The following TMEM178B variants were observed in gnomAD, a reference collection of about 807,000 sequenced individuals.
TMEM178B encodes the protein transmembrane protein 178B.
A neutral mutation model predicts 31.0 loss-of-function variants in TMEM178B; 5 were observed. The observed-to-expected ratio is 0.16, with a 90% CI of 0.08 to 0.34. TMEM178B has a LOEUF of 0.34. Ranked by LOEUF, TMEM178B falls within the 10% of genes least tolerant of loss-of-function variation. The pLI is 1.00. For synonymous variants in TMEM178B, 164 were observed against 164.0 expected (o/e 1.00, Z 0.00); for missense variants, 275 against 400.3 (o/e 0.69, Z 2.67).
rs906115314 is a variant in TMEM178B, at chr7:141,377,556, G to A, written c.497-60052G>A. The stretch of plus-strand genomic sequence containing the variant: ...CGTGGCAGTGGACACCTGTAATCAC[G>A]GCTACTCAAGAGGCTAAGACAGGAG... On this transcript the variant is annotated intron_variant, in intron 2 of 3. Transcript: ENST00000565468. 3.0e-4 allele frequency among the ~76,000 whole-genome samples: 46 copies of A among 151,884 alleles called. 1 individual carries two copies. The highest frequency in any genetic ancestry group is 2.1e-4 in the South Asian group (1 of 4,816).
intron 2 of TMEM178B, among the ~76,000 whole-genome samples, chr7:141,410,747 A>C (rs765533175): frequency 6.6e-6 from 1 of 152,148 alleles, no homozygotes; most frequent in African/African-American, 2.4e-5. Context: ...GAACTTTGAA[A>C]GGTTGAGAGG....
chr7:141,252,636 C>T (rs1049936375), intron 2 of TMEM178B, among the ~76,000 whole-genome samples: 2 of 152,170 alleles, frequency 1.3e-5, no homozygotes, highest in African/African-American at 4.8e-5. Flanking sequence ...CCTTGTGATA[C>T]CTGTAGTAGC....
At chr7:141,110,467 A>C (rs1795215474) in intron 1 of TMEM178B, among the ~76,000 whole-genome samples, 1 of 152,218 alleles carries the variant, frequency 6.6e-6, no homozygotes. Flanking sequence ...AGAACCAATA[A>C]ATATACACTC....
intron 2 of TMEM178B, among the ~76,000 whole-genome samples, chr7:141,337,029 C>CCAT (rs1799417640): frequency 1.2e-5 from 1 of 80,872 alleles, no homozygotes; most frequent in Non-Finnish European, 2.3e-5. Context: ...ACCACCATCA[C>CCAT]CACCACCACC....
chr7:141,360,951 A>G (rs1368227421), intron 2 of TMEM178B, among the ~76,000 whole-genome samples: 2 of 152,192 alleles, frequency 1.3e-5, no homozygotes, highest in Non-Finnish European at 2.9e-5. Flanking sequence ...AAGACCAGTC[A>G]GCAAAGAGAA....
chr7:141,456,899 C>T (rs1051869207), intron 3 of TMEM178B, among the ~76,000 whole-genome samples: 1 of 152,296 alleles, frequency 6.6e-6, no homozygotes, highest in South Asian at 2.1e-4. Flanking sequence ...CTCTCAGTTT[C>T]GTTAAGAAGC....
intron 2 of TMEM178B, among the ~76,000 whole-genome samples, chr7:141,264,070 C>T (rs1196881750): frequency 2.0e-5 from 3 of 152,186 alleles, no homozygotes; most frequent in Admixed American, 6.5e-5. Flanking sequence ...CCAGGGAACA[C>T]ACCTGAGCCT....
chr7:141,247,768 G>T (rs529835279), intron 2 of TMEM178B, among the ~76,000 whole-genome samples: 2 of 152,278 alleles, frequency 1.3e-5, no homozygotes, highest in East Asian at 3.9e-4. Context: ...TGCATTGCAG[G>T]TAAACAATGA....
intron 2 of TMEM178B, among the ~76,000 whole-genome samples, chr7:141,226,359 T>G (rs1463156187): frequency 6.6e-6 from 1 of 152,138 alleles, no homozygotes; most frequent in African/African-American, 2.4e-5. Context: ...AAGGCTGGCT[T>G]TGTCTCCGTG....
At chr7:141,321,540 T>C (rs1272000807) in intron 2 of TMEM178B, among the ~76,000 whole-genome samples, 1 of 152,160 alleles carries the variant, frequency 6.6e-6, no homozygotes, top group Non-Finnish European at 1.5e-5. Context: ...ATGTCCTCCT[T>C]CTCACCTTTT....
intron 2 of TMEM178B, among the ~76,000 whole-genome samples, chr7:141,235,770 A>C (rs1297624657): frequency 6.6e-6 from 1 of 152,222 alleles, no homozygotes; most frequent in African/African-American, 2.4e-5. Flanking sequence ...ACTCCTAATC[A>C]TAGGGCTCAT....
intron 2 of TMEM178B, among the ~76,000 whole-genome samples, chr7:141,322,306 C>G (rs2116475659): frequency 6.6e-6 from 1 of 151,382 alleles, no homozygotes; most frequent in Non-Finnish European, 1.5e-5. Context: ...GTGGGCGGAC[C>G]ACTTGAGGTC....
intron 2 of TMEM178B, among the ~76,000 whole-genome samples, chr7:141,313,378 C>T (rs753210203): frequency 1.3e-5 from 2 of 152,108 alleles, no homozygotes; most frequent in Non-Finnish European, 2.9e-5. Flanking sequence ...CATGGCTCTC[C>T]TTGGAAGTTA....
the TMEM178B span, among the ~76,000 whole-genome samples, chr7:141,501,350 A>G: frequency 6.6e-6 from 1 of 151,876 alleles, no homozygotes. Flanking sequence ...TTCAGTCAAC[A>G]GAGCACGTAC....
rs1201736326 is a variant in TMEM178B at position 141,344,911 on chromosome 7, G to C, written c.497-92697G>C. ...GTCTTGGTTGTAAAGTGACAGAAAT[G>C]AACAGGACCACATCTCTGATGCTAC... On this transcript the variant is annotated intron_variant, in intron 2 of 3. Coordinates refer to ENST00000565468, the MANE Select transcript of TMEM178B (RefSeq NM_001195278.2). This position sits in a 1 kb window ranked among gnomAD's most constrained non-coding sequence, Gnocchi z 4.1. Among the ~76,000 whole-genome samples, 1 of 152,186 alleles carries C rather than the reference G, an allele frequency of 6.6e-6. No individual in the cohort carries two copies. The highest frequency in any genetic ancestry group is 1.9e-4 in the East Asian group (1 of 5,196).
At chr7:141,460,809 A>G (rs1415034831) in intron 3 of TMEM178B, among the ~76,000 whole-genome samples, 2 of 152,130 alleles carry the variant, frequency 1.3e-5, no homozygotes, top group Non-Finnish European at 2.9e-5. Context: ...TTGCAGAATG[A>G]TCAGTGATTT....
chr7:141,458,935 A>G lies in TMEM178B; in HGVS notation c.635-11601A>G, dbSNP rs774883046. 1.3e-4 allele frequency among the ~76,000 whole-genome samples: 20 copies of G among 152,344 alleles called. No individual in the cohort carries two copies. The Middle Eastern group carries it at 0.01, about 78-fold the overall frequency. On this transcript the variant is annotated intron_variant, in intron 3 of 3. Coordinates refer to ENST00000565468, the MANE Select transcript of TMEM178B (RefSeq NM_001195278.2). ...AATGCACAAACACCTCAGCAATCAC[A>G]TAACAATTTAAGAAAGGGGAATGAG...
chr7:141,432,041 T>A (rs1386640335), intron 2 of TMEM178B, among the ~76,000 whole-genome samples: 1 of 152,008 alleles, frequency 6.6e-6, no homozygotes, highest in East Asian at 1.9e-4. Flanking sequence ...AGTGCAAATA[T>A]GGGATAGAAT....
At chr7:141,401,005 CT>C (rs2116619035) in intron 2 of TMEM178B, among the ~76,000 whole-genome samples, 1 of 152,308 alleles carries the variant, frequency 6.6e-6, no homozygotes, top group South Asian at 2.1e-4. Context: ...TCTGGAAGCA[CT>C]TATCAGGGGC....
Sources: gnomAD v4.1 joint callset for allele counts (sites outside exome capture counted in the v4.1 genomes callset) on GRCh38, gnomAD v4.1.1 for gene constraint, Gnocchi (gnomAD v3.1) non-coding constraint, MANE v1.5 for transcripts, NCBI Gene and HGNC (gene_info 2026-07-23, HGNC 2026-07-21) for gene names.